The following JRK variants were observed in gnomAD, a reference collection of about 807,000 sequenced individuals.
The protein encoded by JRK is Jrk helix-turn-helix protein.
For missense variants in JRK, 720 were observed against 509.2 expected, an observed-to-expected ratio of 1.41 and a Z score of -3.98; for synonymous variants, 303 against 218.1, an observed-to-expected ratio of 1.39 and a Z score of -3.43.
rs1345199173 is a variant in JRK at position 142,659,237 on chromosome 8, G to A, written c.*5115C>T. On this transcript the variant is annotated 3_prime_UTR_variant, in exon 2 of 2. Transcript: ENST00000612905. ...AAATAGGGAACCCAAGACCTCGAGA[G>A]AGGAAATGGGCCCAGGGACATGCCT... 5 of 1,117,958 alleles carry A rather than the reference G, an allele frequency of 4.5e-6. No homozygotes were observed. Among genetic ancestry groups the A allele is most frequent in the Non-Finnish European group, 5.5e-6 (5 of 910,936 alleles). The allele number at this position is 1,117,958 out of a possible 1,614,324, so 69.3% of individuals were successfully genotyped here.
intron 1 of JRK, among the ~76,000 whole-genome samples, chr8:142,666,966 C>A (rs374586740): frequency 5.9e-5 from 9 of 152,302 alleles, no homozygotes; most frequent in East Asian, 5.8e-4. Flanking sequence ...TTATTCCTCC[C>A]TGAGGAGCAG....
At chr8:142,646,457 G>A in the JRK span, among the ~76,000 whole-genome samples, 90,770 of 152,080 alleles carry the variant, frequency 0.6, 28,397 homozygotes, top group Admixed American at 0.69. Flanking sequence ...ATCAATATCA[G>A]TGTCTTATTA....
rs1846824570 is a variant in JRK, at chr8:142,658,892, A to G, written c.*5460T>C. ...AGAGGCCTCCAGGCAGCACTTAGGA[A>G]TTGCCAACTCCTCTGGTGAGGTCAC... On this transcript the variant is annotated 3_prime_UTR_variant, in exon 2 of 2. Coordinates refer to ENST00000612905, the MANE Select transcript of JRK (RefSeq NM_003724.4). The G allele has an allele frequency of 1.2e-5, 20 of 1,613,664 alleles. No homozygotes were observed. The highest frequency in any genetic ancestry group is 1.7e-5 in the Non-Finnish European group (20 of 1,179,774).
chr8:142,665,225 C>G lies in JRK; in HGVS notation c.834G>C (p.Ser278=). Residue 278 remains serine (S), a synonymous_variant, in exon 2 of 2, where the codon TCG becomes TCC. Coordinates refer to ENST00000612905, the MANE Select transcript of JRK (RefSeq NM_003724.4). ...CTATGGTTCTGAAGTGCTCTCTCACCGAGGGCACAAAGATATGATGGAACC... is the reference window on the plus strand; with the variant it reads ...CTATGGTTCTGAAGTGCTCTCTCACGGAGGGCACAAAGATATGATGGAACC... ...SDWFHHIFVP[S]VREHFRTIGL... 2 of 717,906 alleles carry G rather than the reference C, an allele frequency of 2.8e-6. No individual in the cohort carries two copies. The highest frequency in any genetic ancestry group is 5.2e-6 in the Non-Finnish European group (2 of 385,086). The allele number at this position is 717,906 out of a possible 1,614,324, so 44.5% of individuals were successfully genotyped here.
intron 1 of JRK, among the ~76,000 whole-genome samples, chr8:142,667,169 G>A (rs1438328157): frequency 6.6e-6 from 1 of 150,932 alleles, no homozygotes. Flanking sequence ...GCTAGGAGGT[G>A]CTGCCAGTTT....
Position 142,666,096 on chromosome 8 carries a change from C to A in JRK, c.-38G>T, listed in dbSNP as rs368758683. On this transcript the variant is annotated 5_prime_UTR_variant, in exon 2 of 2. Transcript: ENST00000612905. ...CTGGTCCTAGCACTTGCAGGACACA[C>A]GCCTGGCCTGGGCTGCTGCCACTAC... The A allele has an allele frequency of 6.0e-5, 95 of 1,574,562 alleles. No individual in the cohort carries two copies. The highest frequency in any genetic ancestry group is 7.8e-5 in the Non-Finnish European group (90 of 1,160,792).
At position 142,665,004 on chromosome 8, in the gene JRK, C is replaced by G; in HGVS notation, c.1055G>C (p.Gly352Ala). ...NFINPPVPLQ[G>A]PHARYNMNDA... Reference sequence around the variant, plus strand: ...GTTCATGTTGTAGCGGGCGTGGGGGCCCTGCAGGGGGACCGGAGGGTTAAT... The same window carrying G: ...GTTCATGTTGTAGCGGGCGTGGGGGGCCTGCAGGGGGACCGGAGGGTTAAT... Residue 352 changes from glycine (G) to alanine (A), a missense_variant, in exon 2 of 2, where the codon GGC (glycine) becomes GCC (alanine). Transcript: ENST00000612905. 2 of 717,696 alleles carry G rather than the reference C, an allele frequency of 2.8e-6. No individual in the cohort carries two copies. The highest frequency in any genetic ancestry group is 1.5e-5 in the South Asian group (1 of 67,740). 44.5% of individuals were successfully genotyped at this position (717,696 alleles called of 1,614,324 possible). A position where few individuals can be genotyped will look rare whatever the true frequency, so the allele number is the denominator to read the frequency against.
rs922170829 is a variant in JRK, at chr8:142,660,910, T to C, written c.*3442A>G. The C allele has an allele frequency of 2.8e-5, 28 of 985,390 alleles. No homozygotes were observed. The highest frequency in any genetic ancestry group is 3.0e-5 in the Non-Finnish European group (25 of 830,022). The allele number at this position is 985,390 out of a possible 1,614,324, so 61.0% of individuals were successfully genotyped here. A position where few individuals can be genotyped will look rare whatever the true frequency, so the allele number is the denominator to read the frequency against. On this transcript the variant is annotated 3_prime_UTR_variant, in exon 2 of 2. Transcript: ENST00000612905. Reference sequence around the variant, plus strand: ...GACCCTGAACCTCCTCCAAATGGACTTTAACTGGGGACAACTGATGACAGT... The same window carrying C: ...GACCCTGAACCTCCTCCAAATGGACCTTAACTGGGGACAACTGATGACAGT...
chr8:142,652,013 G>C, the JRK span, among the ~76,000 whole-genome samples: 4 of 142,548 alleles, frequency 2.8e-5, no homozygotes, highest in Non-Finnish European at 6.5e-5. Context: ...TCCAAAAAAA[G>C]GGGGGGTGGT....
Position 142,658,775 on chromosome 8 carries a change from C to T in JRK, c.*5577G>A. 6.5e-7 allele frequency: 1 copy of T among 1,546,094 alleles called. No homozygotes were observed. Among genetic ancestry groups the T allele is most frequent in the Non-Finnish European group, 8.7e-7 (1 of 1,144,390 alleles). On this transcript the variant is annotated 3_prime_UTR_variant, in exon 2 of 2. Coordinates refer to ENST00000612905, the MANE Select transcript of JRK (RefSeq NM_003724.4). ...ATGGAGATGGAGGCCACAGACCTAC[C>T]AACACCCATAACCTCAAGGGCACTG...
Position 142,666,385 on chromosome 8 carries a change from C to T in JRK, c.-327G>A, listed in dbSNP as rs1301115537. The T allele has an allele frequency of 6.6e-6, 3 of 454,290 alleles. No individual in the cohort carries two copies. Among genetic ancestry groups the T allele is most frequent in the South Asian group, 2.2e-5 (1 of 45,858 alleles). The allele number at this position is 454,290 out of a possible 1,614,324, so 28.1% of individuals were successfully genotyped here. A position where few individuals can be genotyped will look rare whatever the true frequency, so the allele number is the denominator to read the frequency against. On this transcript the variant is annotated 5_prime_UTR_variant, in exon 2 of 2. Coordinates refer to ENST00000612905, the MANE Select transcript of JRK (RefSeq NM_003724.4). ...CTGCTGCTCCACACGGCTGGAACTC[C>T]GGCCTTCTCTGTGGATACTATGGCA...
At chr8:142,653,852 C>A (rs1263413548), downstream of JRK, among the ~76,000 whole-genome samples, 1 of 152,172 alleles carries the variant, frequency 6.6e-6, no homozygotes, top group South Asian at 2.1e-4. Flanking sequence ...CCAAACTGTC[C>A]TTGAAAAATT....
chr8:142,663,852 G>A lies in JRK; in HGVS notation c.*500C>T, dbSNP rs898649841. The A allele has an allele frequency of 1.3e-5, 13 of 987,790 alleles. No homozygotes were observed. Among genetic ancestry groups the A allele is most frequent in the East Asian group, 1.1e-4 (1 of 8,860 alleles). 61.2% of individuals were successfully genotyped at this position (987,790 alleles called of 1,614,324 possible). A position where few individuals can be genotyped will look rare whatever the true frequency, so the allele number is the denominator to read the frequency against. ...TCGGGCCATCGGACCTCAGGCAACC[G>A]TGCTCGGGGTCCACCCAACACGGGG... On this transcript the variant is annotated 3_prime_UTR_variant, in exon 2 of 2. Coordinates refer to ENST00000612905, the MANE Select transcript of JRK (RefSeq NM_003724.4).
rs587662159 is a variant in JRK, at chr8:142,662,208, G to T, written c.*2144C>A. On this transcript the variant is annotated 3_prime_UTR_variant, in exon 2 of 2. Transcript: ENST00000612905. Reference sequence around the variant, plus strand: ...GTCAGCACAAGAGCAGATCAAGAACGGGAAGAGCTCAGGTCCTGAAGAGCT... The same window carrying T: ...GTCAGCACAAGAGCAGATCAAGAACTGGAAGAGCTCAGGTCCTGAAGAGCT... 148 of 985,568 alleles carry T rather than the reference G, an allele frequency of 1.5e-4. No individual in the cohort carries two copies. The African/African-American group carries it at 2.5e-3, about 16-fold the overall frequency. The allele number at this position is 985,568 out of a possible 1,614,324, so 61.1% of individuals were successfully genotyped here.
chr8:142,649,775 C>G, the JRK span, among the ~76,000 whole-genome samples: 1 of 152,230 alleles, frequency 6.6e-6, no homozygotes, highest in African/African-American at 2.4e-5. Context: ...TCATGGAGAA[C>G]CTCTGCTAGC....
intron 1 of JRK, among the ~76,000 whole-genome samples, chr8:142,667,461 A>ACACACAC (rs1554636421): frequency 6.6e-6 from 1 of 151,862 alleles, no homozygotes; most frequent in African/African-American, 2.4e-5. Context: ...ACACACACAC[A>ACACACAC]CACACACACA....
downstream of JRK, among the ~76,000 whole-genome samples, chr8:142,655,107 C>A (rs1240109829): frequency 6.6e-6 from 1 of 152,206 alleles, no homozygotes; most frequent in Non-Finnish European, 1.5e-5. Context: ...CCCTCTCTGC[C>A]TTTGCATGCC....
At chr8:142,652,871 G>A (rs782394692), downstream of JRK, among the ~76,000 whole-genome samples, 5 of 152,300 alleles carry the variant, frequency 3.3e-5, no homozygotes, top group South Asian at 2.1e-4. Context: ...TAGGCTCAAC[G>A]TCATTTCTAG....
downstream of JRK, among the ~76,000 whole-genome samples, chr8:142,652,692 A>G (rs1446812837): frequency 6.6e-6 from 1 of 152,174 alleles, no homozygotes; most frequent in Non-Finnish European, 1.5e-5. Flanking sequence ...AGCAGTTCTC[A>G]GCTTGACTTT....
Sources: gnomAD v4.1 joint callset for allele counts (sites outside exome capture counted in the v4.1 genomes callset) on GRCh38, gnomAD v4.1.1 for gene constraint, MANE v1.5 for transcripts, NCBI Gene and HGNC (gene_info 2026-07-23, HGNC 2026-07-21) for gene names.